CAMK4: variants seen among roughly 807,000 people sequenced by gnomAD.
CAMK4 encodes the protein calcium/calmodulin dependent protein kinase IV.
CAMK4 carries 22 observed loss-of-function variants against 44.9 expected under a neutral mutation model. The ratio of observed to expected loss-of-function variants is 0.49; its 90% CI spans 0.35 to 0.70. The LOEUF (loss-of-function observed/expected upper bound fraction) is 0.70. Among genes scored for constraint, CAMK4 ranks in the 30% least tolerant of loss-of-function variants. The pLI is 0.01. For synonymous variants in CAMK4, 218 were observed against 215.4 expected, an observed-to-expected ratio of 1.01 and a Z score of -0.11; for missense variants, 498 against 586.8, an observed-to-expected ratio of 0.85 and a Z score of 1.56.
At chr5:111,368,273 G>A (rs542237720) in intron 2 of CAMK4, among the ~76,000 whole-genome samples, 68 of 152,142 alleles carry the variant, frequency 4.5e-4, no homozygotes, top group Non-Finnish European at 9.0e-4. Flanking sequence ...ATTTCAAGTG[G>A]CAATAATGAC....
At chr5:111,437,288 C>A (rs190662140) in intron 5 of CAMK4, among the ~76,000 whole-genome samples, 1 of 152,162 alleles carries the variant, frequency 6.6e-6, no homozygotes, top group African/African-American at 2.4e-5. Context: ...AAATGAATAA[C>A]AACAAATGAA....
intron 1 of CAMK4, among the ~76,000 whole-genome samples, chr5:111,339,784 G>C (rs956701653): frequency 6.6e-6 from 1 of 151,132 alleles, no homozygotes; most frequent in Non-Finnish European, 1.5e-5. Context: ...TTTTGATAGG[G>C]ATTATATTGA....
At chr5:111,292,626 A>G (rs568720526) in intron 1 of CAMK4, among the ~76,000 whole-genome samples, 32 of 152,252 alleles carry the variant, frequency 2.1e-4, no homozygotes, top group African/African-American at 7.5e-4. Context: ...TTGGATTTTT[A>G]AAATATATTT....
intron 1 of CAMK4, among the ~76,000 whole-genome samples, chr5:111,328,478 T>C (rs1561415238): frequency 6.6e-6 from 1 of 152,062 alleles, no homozygotes; most frequent in Non-Finnish European, 1.5e-5. Flanking sequence ...GGCTTAGGAG[T>C]GACTTGGCGA....
intron 2 of CAMK4, among the ~76,000 whole-genome samples, chr5:111,348,608 CTGCAATTTACTTTCAAA>C (rs972896003): frequency 8.6e-5 from 13 of 151,886 alleles, no homozygotes; most frequent in Non-Finnish European, 1.8e-4. Flanking sequence ...ATCATAAAGT[CTGCAATTTACTTTCAAA>C]TGGTTAAACA....
At chr5:111,423,073 C>G (rs1327552453) in intron 5 of CAMK4, among the ~76,000 whole-genome samples, 1 of 152,130 alleles carries the variant, frequency 6.6e-6, no homozygotes, top group Non-Finnish European at 1.5e-5. Context: ...TTTACAAAAT[C>G]TTGTTTAGGA....
rs190683781 is a variant in CAMK4, at chr5:111,402,577, C to T, written c.459+7795C>T. On this transcript the variant is annotated intron_variant, in intron 5 of 10. Coordinates refer to ENST00000282356, the MANE Select transcript of CAMK4 (RefSeq NM_001744.6). The stretch of plus-strand genomic sequence containing the variant: ...AATCTTCCACTTTGACCTCTTATTC[C>T]TCATTGGCAGAAAGCCGATCTCCCT... 3.1e-3 allele frequency among the ~76,000 whole-genome samples: 469 copies of T among 152,298 alleles called. 1 individual carries two copies. The highest frequency in any genetic ancestry group is 6.8e-3 in the Middle Eastern group (2 of 294).
Position 111,394,301 on chromosome 5 carries a change from G to A in CAMK4, c.387-409G>A, listed in dbSNP as rs377614987. ...AATGAAATTATATAATGTCTGATGC[G>A]TGCTTCAAAATAATAAGGAAGGAGT... On this transcript the variant is annotated intron_variant, in intron 4 of 10. Transcript: ENST00000282356. 5.9e-5 allele frequency among the ~76,000 whole-genome samples: 9 copies of A among 152,112 alleles called. 1 individual carries two copies. The highest frequency in any genetic ancestry group is 1.9e-4 in the African/African-American group (8 of 41,476).
At chr5:111,383,552 A>G (rs960668849) in intron 4 of CAMK4, among the ~76,000 whole-genome samples, 1 of 152,074 alleles carries the variant, frequency 6.6e-6, no homozygotes, top group Non-Finnish European at 1.5e-5. Flanking sequence ...TTTGAGTTCC[A>G]TGGAGGCAGT....
At chr5:111,353,519 A>G (rs1750200825) in intron 2 of CAMK4, among the ~76,000 whole-genome samples, 1 of 152,144 alleles carries the variant, frequency 6.6e-6, no homozygotes, top group Non-Finnish European at 1.5e-5. Context: ...ACCTGTAAAT[A>G]GTTTGAGCAG....
At chr5:111,336,508 A>G (rs1469569823) in intron 1 of CAMK4, among the ~76,000 whole-genome samples, 1 of 151,026 alleles carries the variant, frequency 6.6e-6, no homozygotes, top group African/African-American at 2.4e-5. Flanking sequence ...TTGAATTGTT[A>G]TTTCCACATA....
At chr5:111,256,281 G>A (rs1180104128) in intron 1 of CAMK4, among the ~76,000 whole-genome samples, 1 of 152,300 alleles carries the variant, frequency 6.6e-6, no homozygotes, top group East Asian at 1.9e-4. Context: ...GTATGGTGGT[G>A]CTATGGTGGG....
intron 7 of CAMK4, among the ~76,000 whole-genome samples, chr5:111,461,637 T>C (rs1399886125): frequency 6.6e-6 from 1 of 151,814 alleles, no homozygotes; most frequent in Non-Finnish European, 1.5e-5. Flanking sequence ...AGGCAGAGAA[T>C]TTCCTAACAC....
At chr5:111,390,338 T>C in intron 4 of CAMK4, among the ~76,000 whole-genome samples, 1 of 152,270 alleles carries the variant, frequency 6.6e-6, no homozygotes, top group Middle Eastern at 3.4e-3. Flanking sequence ...GGTTTTTTGA[T>C]ATATTTTATA....
At chr5:111,363,989 T>C (rs1247345645) in intron 2 of CAMK4, among the ~76,000 whole-genome samples, 1 of 152,100 alleles carries the variant, frequency 6.6e-6, no homozygotes, top group African/African-American at 2.4e-5. Flanking sequence ...TTAGGAAATA[T>C]TATAACATTG....
intron 2 of CAMK4, among the ~76,000 whole-genome samples, chr5:111,362,655 C>A (rs1044047037): frequency 1.3e-5 from 2 of 151,970 alleles, no homozygotes; most frequent in Non-Finnish European, 2.9e-5. Flanking sequence ...CTATCCCTGA[C>A]AACATGAATC....
chr5:111,462,057 C>T (rs1034642892), intron 7 of CAMK4, among the ~76,000 whole-genome samples: 2 of 152,206 alleles, frequency 1.3e-5, no homozygotes, highest in African/African-American at 4.8e-5. Context: ...TGGCTGGATA[C>T]TTGAGCCATG....
intron 7 of CAMK4, among the ~76,000 whole-genome samples, chr5:111,459,340 C>T (rs1754551643): frequency 6.6e-6 from 1 of 152,300 alleles, no homozygotes; most frequent in East Asian, 1.9e-4. Flanking sequence ...ACAACTAAAG[C>T]TGTCGGCAAT....
At chr5:111,378,888 A>G (rs1160406061) in intron 4 of CAMK4, among the ~76,000 whole-genome samples, 1 of 135,438 alleles carries the variant, frequency 7.4e-6, no homozygotes, top group African/African-American at 2.5e-5. Context: ...CTATGAAGAT[A>G]CTCTTGTTCA....
Sources: gnomAD v4.1 joint callset for allele counts (sites outside exome capture counted in the v4.1 genomes callset) on GRCh38, gnomAD v4.1.1 for gene constraint, MANE v1.5 for transcripts, NCBI Gene and HGNC (gene_info 2026-07-23, HGNC 2026-07-21) for gene names.